Variants in ANK3 observed in about 807,000 individuals in gnomAD.
ANK3 encodes ankyrin 3, also known as ankyrin-3.
In ANK3, 57 loss-of-function variants were observed where a neutral mutation model predicts 370.9. The observed-to-expected ratio is 0.15, with a 90% confidence interval of 0.12 to 0.19. The LOEUF is 0.19. Ranked by LOEUF, ANK3 falls within the 10% of genes least tolerant of loss-of-function variation. The pLI is 1.00. For synonymous variants in ANK3, 1,929 were observed against 1,946.3 expected (o/e 0.99, Z 0.23); for missense variants, 4,439 against 5,302.1 (o/e 0.84, Z 5.06).
In ANK3 at chr10:60,277,242, T is replaced by A. The variant is rs528127697; in HGVS notation, c.414+1532A>T. Among the ~76,000 whole-genome samples the A allele has an allele frequency of 2.6e-4, 39 of 152,256 alleles. 1 individual carries two copies. The highest frequency in any genetic ancestry group is 9.4e-4 in the African/African-American group (39 of 41,546). ...CCCATAAAACAGAGGAGACTCCCAA[T>A]ATCCAAAGATAATCATACTAGAAAA... is the stretch of plus-strand genomic sequence containing the variant. On this transcript the variant is annotated intron_variant, in intron 4 of 43. Transcript: ENST00000280772.
At chr10:60,273,560 A>T (rs887565876) in intron 4 of ANK3, among the ~76,000 whole-genome samples, 5 of 152,200 alleles carry the variant, frequency 3.3e-5, no homozygotes, top group Admixed American at 2.6e-4. Context: ...CCTATTCTGG[A>T]TATTCTATAT....
intron 8 of ANK3, 105 bp downstream of exon 8, chr10:60,234,583 T>A: frequency 1.5e-6 from 1 of 649,794 alleles, no homozygotes; most frequent in Non-Finnish European, 2.8e-6. Flanking sequence ...CTATAACAAA[T>A]AGAACAGAAA....
chr10:60,499,616 G>A (rs1228620565), intron 2 of ANK3, among the ~76,000 whole-genome samples: 1 of 152,122 alleles, frequency 6.6e-6, no homozygotes, highest in Admixed American at 6.5e-5. Flanking sequence ...ACAATGTTTC[G>A]CTAACATGGG....
intron 28 of ANK3, among the ~76,000 whole-genome samples, chr10:60,099,244 C>T (rs2090735838): frequency 6.7e-6 from 1 of 149,856 alleles, no homozygotes; most frequent in Non-Finnish European, 1.5e-5. Flanking sequence ...GAAAAAGTGT[C>T]ACCAGCAGGG....
chr10:60,060,798 A>ATGAT (rs1042799133), intron 40 of ANK3: 1 of 152,204 alleles, frequency 6.6e-6, no homozygotes, highest in African/African-American at 2.4e-5. Context: ...ATAAACAGAA[A>ATGAT]TGATACACAA....
intron 1 of ANK3, among the ~76,000 whole-genome samples, chr10:60,674,803 C>T (rs750792915): frequency 6.6e-6 from 1 of 152,076 alleles, no homozygotes; most frequent in African/African-American, 2.4e-5. Context: ...AATAAATGAA[C>T]ACATATATTC....
intron 7 of ANK3, among the ~76,000 whole-genome samples, chr10:60,253,673 T>C (rs1233083001): frequency 1.3e-5 from 2 of 152,218 alleles, no homozygotes; most frequent in Non-Finnish European, 2.9e-5. Context: ...AGAATATGTT[T>C]AATGCAATAG....
rs75546571 is a variant in ANK3 at position 60,261,049 on chromosome 10, G to A, written c.798+810C>T. 8.9e-3 allele frequency among the ~76,000 whole-genome samples: 1,354 copies of A among 152,258 alleles called. 22 individuals are homozygous for A. The highest frequency in any genetic ancestry group is 0.031 in the African/African-American group (1,302 of 41,558). On this transcript the variant is annotated intron_variant, in intron 7 of 43. Transcript: ENST00000280772. ...TTTTCAGTGACGCAGTGAGGGAGAG[G>A]TGATATTTTATAATTGTTTATTTAA...
chr10:60,097,621 A>G (rs2090398519), intron 28 of ANK3, among the ~76,000 whole-genome samples: 1 of 152,232 alleles, frequency 6.6e-6, no homozygotes, highest in African/African-American at 2.4e-5. Flanking sequence ...AAATAACATG[A>G]CTGAAATCAT....
intron 2 of ANK3, among the ~76,000 whole-genome samples, chr10:60,522,340 T>C (rs1336787507): frequency 8.8e-6 from 1 of 113,750 alleles, no homozygotes; most frequent in Non-Finnish European, 1.9e-5. Flanking sequence ...GGGTTCCATA[T>C]TGAGACTTTT....
chr10:60,653,766 G>A (rs2078824154), intron 1 of ANK3, among the ~76,000 whole-genome samples: 1 of 152,160 alleles, frequency 6.6e-6, no homozygotes, highest in Non-Finnish European at 1.5e-5. Context: ...TACTTGGGAG[G>A]CTAAGGTGGG....
At chr10:60,323,279 C>A (rs1029218321) in intron 1 of ANK3, among the ~76,000 whole-genome samples, 1 of 152,182 alleles carries the variant, frequency 6.6e-6, no homozygotes, top group Middle Eastern at 3.2e-3. Context: ...CGAGCTGGAG[C>A]ATTCATCCTT....
Position 60,189,491 on chromosome 10 carries a change from T to C in ANK3, c.1888-2579A>G, listed in dbSNP as rs1053904451. Among the ~76,000 whole-genome samples, 3 of 152,198 alleles carry C rather than the reference T, an allele frequency of 2.0e-5. No individual in the cohort carries two copies. The East Asian group carries it at 5.8e-4, about 29-fold the overall frequency. ...TCCTTACCTGAGATACAAAGGAAAG[T>C]ATAAAGCAAGGGAAAAGTGACTCAG... is the stretch of plus-strand genomic sequence containing the variant. On this transcript the variant is annotated intron_variant, in intron 16 of 43. Coordinates refer to ENST00000280772, the MANE Select transcript of ANK3 (RefSeq NM_020987.5).
At chr10:60,100,234 G>T (rs1046196499) in intron 28 of ANK3, among the ~76,000 whole-genome samples, 25 of 57,898 alleles carry the variant, frequency 4.3e-4, no homozygotes, top group South Asian at 1.7e-3. Flanking sequence ...TTTTGCTATG[G>T]TTTTTTTTTT....
chr10:60,039,538 A>G (rs574242382), intron 43 of ANK3, among the ~76,000 whole-genome samples: 2 of 152,302 alleles, frequency 1.3e-5, no homozygotes, highest in East Asian at 1.9e-4. Flanking sequence ...TTGTGCTTGT[A>G]TTTGATTCAG....
intron 23 of ANK3, among the ~76,000 whole-genome samples, chr10:60,142,646 A>G (rs144961339): frequency 1.6e-3 from 241 of 152,182 alleles, no homozygotes; most frequent in African/African-American, 5.6e-3. Flanking sequence ...CGTACTTCTT[A>G]GACTTCAGAA....
At chr10:60,110,540 A>G (rs1429544473) in intron 26 of ANK3, among the ~76,000 whole-genome samples, 1 of 151,832 alleles carries the variant, frequency 6.6e-6, no homozygotes, top group African/African-American at 2.4e-5. Context: ...AACAAAAATC[A>G]CTCCTCCCTA....
At chr10:60,354,873 A>G (rs2057481250) in intron 1 of ANK3, among the ~76,000 whole-genome samples, 1 of 152,092 alleles carries the variant, frequency 6.6e-6, no homozygotes, top group Admixed American at 6.5e-5. Context: ...TTTCTTTTGT[A>G]TTTTTTGATA....
At position 60,081,451 on chromosome 10, in the gene ANK3, T is replaced by C. The variant is rs1384524968; in HGVS notation, c.4350+699A>G. 4 of 418,672 alleles carry C rather than the reference T, an allele frequency of 9.6e-6. No individual in the cohort carries two copies. The Admixed American group carries it at 1.2e-4, about 12-fold the overall frequency. 25.9% of individuals were successfully genotyped at this position (418,672 alleles called of 1,614,324 possible). On this transcript the variant is annotated intron_variant, in intron 35 of 43. Transcript: ENST00000280772. ...TTGATTCTATTTATTACTATTGATG[T>C]GTGGGATTCAAAAACCTAATTATCA... is the stretch of plus-strand genomic sequence containing the variant.
Sources: allele counts gnomAD v4.1 joint callset (sites outside exome capture counted in the v4.1 genomes callset), GRCh38; gene constraint gnomAD v4.1.1; transcripts MANE v1.5; gene names NCBI Gene and HGNC (gene_info 2026-07-23, HGNC 2026-07-21).